C1QTNF3: variants seen among roughly 807,000 people sequenced by gnomAD.
C1QTNF3 encodes the protein C1q and TNF related 3, also known as complement C1q tumor necrosis factor-related protein 3.
A neutral mutation model predicts 32.6 loss-of-function variants in C1QTNF3; 26 were observed. The ratio of observed to expected loss-of-function variants is 0.80; its 90% confidence interval spans 0.58 to 1.11. The LOEUF (loss-of-function observed/expected upper bound fraction) is 1.11. Among genes scored for constraint, C1QTNF3 ranks in the 50% least tolerant of loss-of-function variants. The pLI, the probability that C1QTNF3 is intolerant of heterozygous loss-of-function variation, is 0.00. For synonymous variants in C1QTNF3, 155 were observed against 146.0 expected, an observed-to-expected ratio of 1.06 and a Z score of -0.44; for missense variants, 362 against 398.2, an observed-to-expected ratio of 0.91 and a Z score of 0.77.
chr5:34,175,480 G>A, the C1QTNF3 span: 38 of 246,650 alleles, frequency 1.5e-4, no homozygotes, highest in East Asian at 7.2e-4. Context: ...CCTCTGGAAT[G>A]ATGAGTGTAT....
At chr5:34,092,268 G>A in the C1QTNF3 span, among the ~76,000 whole-genome samples, 1 of 151,562 alleles carries the variant, frequency 6.6e-6, no homozygotes, top group Non-Finnish European at 1.5e-5. Flanking sequence ...TAGTTGCATT[G>A]GGGAAAAGAA....
chr5:34,043,008 T>C lies in C1QTNF3; in HGVS notation c.118A>G (p.Ile40Val). ...CCAGTCTGCTGGTGGCTTTGCACTA[T>C]TCTTGCCACCACTTTATTAGTTCTT... ...SGRTNKVVAR[I>V]VQSHQQTGRS... The change falls in exon 1 of 6, where the codon ATA becomes GTA. Residue 40 changes from isoleucine (I) to valine (V), a missense_variant. Coordinates refer to ENST00000382065, the MANE Select transcript of C1QTNF3 (RefSeq NM_181435.6). 6.2e-7 allele frequency: 1 copy of C among 1,614,220 alleles called. No homozygotes were observed. The highest frequency in any genetic ancestry group is 8.5e-7 in the Non-Finnish European group (1 of 1,180,028).
the C1QTNF3 span, among the ~76,000 whole-genome samples, chr5:34,213,704 A>ATGTGTATATATG: frequency 7.0e-6 from 1 of 142,262 alleles, no homozygotes; most frequent in East Asian, 2.0e-4. Context: ...GTATATATAT[A>ATGTGTATATATG]TGTGTATATA....
At chr5:34,211,439 G>A in the C1QTNF3 span, among the ~76,000 whole-genome samples, 1 of 151,700 alleles carries the variant, frequency 6.6e-6, no homozygotes, top group Non-Finnish European at 1.5e-5. Flanking sequence ...TGTGCACAGT[G>A]TGCAGGTTAG....
the C1QTNF3 span, among the ~76,000 whole-genome samples, chr5:34,175,121 G>A: frequency 6.7e-6 from 1 of 150,140 alleles, no homozygotes; most frequent in African/African-American, 2.5e-5. Context: ...ACAGCTTACT[G>A]CAGCCTCCAA....
the C1QTNF3 span, among the ~76,000 whole-genome samples, chr5:34,128,053 T>A: frequency 1.3e-5 from 2 of 151,854 alleles, no homozygotes; most frequent in Admixed American, 6.6e-5. Flanking sequence ...AAGGGAAAAA[T>A]TTTTTCTTGG....
the C1QTNF3 span, among the ~76,000 whole-genome samples, chr5:34,060,653 T>C: frequency 1.3e-5 from 2 of 152,148 alleles, no homozygotes; most frequent in African/African-American, 4.8e-5. Flanking sequence ...CTTACATGGA[T>C]GGTAGCAAAC....
the C1QTNF3 span, among the ~76,000 whole-genome samples, chr5:34,242,706 CCA>C: frequency 6.6e-6 from 1 of 151,874 alleles, no homozygotes; most frequent in African/African-American, 2.4e-5. Context: ...TAGAAACTAT[CCA>C]CAGAGTAAAC....
At chr5:34,057,106 C>T in the C1QTNF3 span, among the ~76,000 whole-genome samples, 3 of 152,080 alleles carry the variant, frequency 2.0e-5, no homozygotes, top group South Asian at 2.1e-4. Flanking sequence ...CATCCATCAA[C>T]GTATTTTCCT....
At chr5:34,176,244 G>A in the C1QTNF3 span, among the ~76,000 whole-genome samples, 9 of 144,554 alleles carry the variant, frequency 6.2e-5, no homozygotes, top group East Asian at 1.9e-3. Flanking sequence ...CACACTCTGG[G>A]GACTGTTGTG....
the C1QTNF3 span, among the ~76,000 whole-genome samples, chr5:34,072,458 T>C: frequency 3.9e-5 from 6 of 152,104 alleles, no homozygotes; most frequent in Non-Finnish European, 8.8e-5. Context: ...AATGTGAGGC[T>C]CAGCAAATGA....
chr5:34,197,462 A>C, the C1QTNF3 span, among the ~76,000 whole-genome samples: 2 of 152,232 alleles, frequency 1.3e-5, no homozygotes, highest in Non-Finnish European at 1.5e-5. Context: ...TTTACGGTCA[A>C]TCAATGGTAA....
At chr5:34,127,528 GA>G in the C1QTNF3 span, among the ~76,000 whole-genome samples, 1 of 151,950 alleles carries the variant, frequency 6.6e-6, no homozygotes, top group African/African-American at 2.4e-5. Context: ...GCATCTGGCA[GA>G]AGAAATTTGT....
At chr5:34,154,032 TAAAA>T in the C1QTNF3 span, among the ~76,000 whole-genome samples, 1 of 103,162 alleles carries the variant, frequency 9.7e-6, no homozygotes, top group African/African-American at 2.7e-5. Flanking sequence ...ACCTGCAAAA[TAAAA>T]AAAAAAAATG....
chr5:34,037,031 T>C (rs1395721881), intron 1 of C1QTNF3, among the ~76,000 whole-genome samples: 2 of 152,200 alleles, frequency 1.3e-5, no homozygotes, highest in Non-Finnish European at 2.9e-5. Context: ...CTAAACATGC[T>C]CAAGTATGAC....
At chr5:34,241,952 G>GGAGGGAGGGAAGGAAGGAAA in the C1QTNF3 span, among the ~76,000 whole-genome samples, 1 of 28,326 alleles carries the variant, frequency 3.5e-5, no homozygotes, top group African/African-American at 2.7e-4. Flanking sequence ...AGGGAGGGAG[G>GGAGGGAGGGAAGGAAGGAAA]GAAGGAAGGA....
the C1QTNF3 span, among the ~76,000 whole-genome samples, chr5:34,063,350 C>CCTCTGT: frequency 2.0e-5 from 3 of 151,968 alleles, no homozygotes; most frequent in African/African-American, 7.2e-5. Context: ...CTTTCTCTCT[C>CCTCTGT]CTCTGTCTCT....
At chr5:34,039,325 T>G (rs929705607) in intron 1 of C1QTNF3, among the ~76,000 whole-genome samples, 1 of 152,194 alleles carries the variant, frequency 6.6e-6, no homozygotes, top group African/African-American at 2.4e-5. Context: ...AAGTTGCCCA[T>G]TTAGCCCTTT....
At chr5:34,197,535 T>G in the C1QTNF3 span, among the ~76,000 whole-genome samples, 2 of 152,182 alleles carry the variant, frequency 1.3e-5, no homozygotes, top group Non-Finnish European at 2.9e-5. Flanking sequence ...ATTTTTCCAT[T>G]TAAAAATTAC....
Sources: gnomAD v4.1 joint callset for allele counts (sites outside exome capture counted in the v4.1 genomes callset) on GRCh38, gnomAD v4.1.1 for gene constraint, MANE v1.5 for transcripts, NCBI Gene and HGNC (gene_info 2026-07-23, HGNC 2026-07-21) for gene names.